Variants in DOCK2 observed in about 807,000 individuals in gnomAD.
DOCK2 encodes the protein dedicator of cytokinesis 2.
In DOCK2, 87 loss-of-function variants were observed where a neutral mutation model predicts 248.9. The observed-to-expected ratio is 0.35, with a 90% CI of 0.29 to 0.42. The LOEUF is 0.42. Among genes scored for constraint, DOCK2 ranks in the 10% least tolerant of loss-of-function variants. The pLI, the probability that DOCK2 is intolerant of heterozygous loss-of-function variation, is 1.00. For synonymous variants in DOCK2, 805 were observed against 821.6 expected, an observed-to-expected ratio of 0.98 and a Z score of 0.35; for missense variants, 1,747 against 2,300.2, an observed-to-expected ratio of 0.76 and a Z score of 4.92.
At chr5:169,957,801 C>T (rs1248569631) in intron 27 of DOCK2, among the ~76,000 whole-genome samples, 1 of 152,214 alleles carries the variant, frequency 6.6e-6, no homozygotes, top group Non-Finnish European at 1.5e-5. Flanking sequence ...GCTCCATGTA[C>T]TGCTACTGTT....
chr5:170,072,295 C>T (rs1017764539), intron 46 of DOCK2, among the ~76,000 whole-genome samples: 1 of 152,162 alleles, frequency 6.6e-6, no homozygotes, highest in Non-Finnish European at 1.5e-5. Flanking sequence ...GTATCTGTAG[C>T]TTCTTTGGCT....
At chr5:169,919,286 C>A (rs931929482) in intron 27 of DOCK2, among the ~76,000 whole-genome samples, 1 of 152,196 alleles carries the variant, frequency 6.6e-6, no homozygotes, top group Admixed American at 6.5e-5. Context: ...AATGAGTCTC[C>A]TGACACCCAG....
intron 41 of DOCK2, among the ~76,000 whole-genome samples, 198 bp from the exon 42 acceptor site, chr5:170,055,107 C>T (rs570261750): frequency 2.0e-5 from 3 of 152,306 alleles, no homozygotes; most frequent in East Asian, 1.9e-4. Flanking sequence ...CATAAGGTTG[C>T]AGGGTGACAG....
chr5:169,945,489 C>T (rs554886637), intron 27 of DOCK2, among the ~76,000 whole-genome samples: 1 of 152,384 alleles, frequency 6.6e-6, no homozygotes, highest in South Asian at 2.1e-4. Context: ...CAGTGCCAAA[C>T]ACTTTGTATG....
At chr5:169,857,262 G>A (rs556840330) in intron 27 of DOCK2, among the ~76,000 whole-genome samples, 26 of 152,164 alleles carry the variant, frequency 1.7e-4, no homozygotes, top group Non-Finnish European at 3.2e-4. Context: ...TCTTTGATAT[G>A]GTAAGGCAGT....
chr5:169,906,520 C>T (rs111573259), intron 27 of DOCK2, among the ~76,000 whole-genome samples: 3,959 of 152,204 alleles, frequency 0.026, 63 homozygotes, highest in Middle Eastern at 0.068. Context: ...TTTGTAGAGA[C>T]AGGGTCTCCC....
intron 26 of DOCK2, among the ~76,000 whole-genome samples, chr5:169,804,262 A>G (rs1581213195): frequency 6.6e-6 from 1 of 152,158 alleles, no homozygotes; most frequent in Non-Finnish European, 1.5e-5. Context: ...TACCATCCCA[A>G]TTAAGCCGCT....
intron 46 of DOCK2, among the ~76,000 whole-genome samples, chr5:170,071,327 A>G (rs1757672616): frequency 6.6e-6 from 1 of 152,160 alleles, no homozygotes; most frequent in Non-Finnish European, 1.5e-5. Flanking sequence ...GCTTAATTCT[A>G]TGTTGGATTT....
intron 34 of DOCK2, 115 bp downstream of exon 34, chr5:170,028,063 G>A (rs1316553777): frequency 1.2e-6 from 1 of 815,370 alleles, no homozygotes; most frequent in Non-Finnish European, 1.8e-6. Context: ...TGGATCTAGA[G>A]GCTCATGGGT....
At chr5:169,978,393 G>T (rs1183059098) in intron 27 of DOCK2, among the ~76,000 whole-genome samples, 16 of 43,902 alleles carry the variant, frequency 3.6e-4, no homozygotes, top group African/African-American at 1.3e-3. Flanking sequence ...GTGTGTGTGT[G>T]GGGGGGGGGG....
intron 27 of DOCK2, among the ~76,000 whole-genome samples, chr5:169,963,424 G>A (rs1351637771): frequency 6.6e-6 from 1 of 152,058 alleles, no homozygotes; most frequent in Non-Finnish European, 1.5e-5. Flanking sequence ...AAGTCCCTGG[G>A]GACCTATGCT....
intron 42 of DOCK2, 56 bp from the exon 43 acceptor site, chr5:170,056,628 G>C: frequency 6.9e-7 from 1 of 1,458,148 alleles, no homozygotes; most frequent in Admixed American, 1.7e-5. Context: ...GGGTCAGATC[G>C]GGTGTCAGCA....
At chr5:169,878,884 C>A (rs995704500) in intron 27 of DOCK2, among the ~76,000 whole-genome samples, 1 of 152,132 alleles carries the variant, frequency 6.6e-6, no homozygotes, top group African/African-American at 2.4e-5. Context: ...CCTTTATGTA[C>A]GGAAATCCCT....
chr5:169,838,067 G>A (rs1290749351), intron 26 of DOCK2, among the ~76,000 whole-genome samples: 1 of 152,150 alleles, frequency 6.6e-6, no homozygotes, highest in Non-Finnish European at 1.5e-5. Context: ...GAAAATATAA[G>A]GGAGGGGGAA....
chr5:169,795,234 C>G (rs1766573663), intron 25 of DOCK2, among the ~76,000 whole-genome samples: 1 of 152,056 alleles, frequency 6.6e-6, no homozygotes, highest in Admixed American at 6.6e-5. Context: ...GTATAAAGTT[C>G]TGGAAGTACA....
intron 44 of DOCK2, 102 bp downstream of exon 44, chr5:170,057,768 C>A (rs892099209): frequency 2.6e-5 from 27 of 1,029,050 alleles, no homozygotes; most frequent in Non-Finnish European, 3.6e-5. Flanking sequence ...ACATGTTTTT[C>A]TTTGAAGCTG....
chr5:169,995,375 A>G (rs1754581174), intron 29 of DOCK2, among the ~76,000 whole-genome samples: 2 of 152,322 alleles, frequency 1.3e-5, no homozygotes, highest in South Asian at 4.1e-4. Flanking sequence ...GAGAAGGGGT[A>G]TATATAGGAG....
At chr5:169,906,400 A>T (rs1456321973) in intron 27 of DOCK2, among the ~76,000 whole-genome samples, 1 of 152,212 alleles carries the variant, frequency 6.6e-6, no homozygotes, top group African/African-American at 2.4e-5. Context: ...AACCACCATC[A>T]TTTGGGCTTG....
chr5:169,737,057 G>C (rs1230381114), intron 22 of DOCK2, among the ~76,000 whole-genome samples: 3 of 152,154 alleles, frequency 2.0e-5, no homozygotes, highest in Non-Finnish European at 4.4e-5. Context: ...TAAAATCAAG[G>C]GGAAATGCAT....
Sources: allele counts gnomAD v4.1 joint callset (sites outside exome capture counted in the v4.1 genomes callset), GRCh38; gene constraint gnomAD v4.1.1; transcripts MANE v1.5; gene names NCBI Gene and HGNC (gene_info 2026-07-23, HGNC 2026-07-21).